The following THTPA variants were observed in gnomAD, a reference collection of about 807,000 sequenced individuals.
THTPA encodes the protein thiamine triphosphatase, also known as thiamine-triphosphatase.
In THTPA, 16 loss-of-function variants were observed where a neutral mutation model predicts 16.5. That is an observed-to-expected ratio of 0.97 (90% confidence interval 0.66 to 1.47). The LOEUF (loss-of-function observed/expected upper bound fraction) is 1.47, where lower values mean the gene tolerates loss of function less well. Ranked by LOEUF, THTPA falls within the 40% of genes most tolerant of loss-of-function variation. THTPA has a pLI of 0.00. For synonymous variants in THTPA, 110 were observed against 115.5 expected (o/e 0.95, Z 0.30); for missense variants, 281 against 280.9 (o/e 1.00, Z 0.00).
the THTPA span, among the ~76,000 whole-genome samples, chr14:23,550,015 A>C: frequency 6.6e-6 from 1 of 152,242 alleles, no homozygotes; most frequent in African/African-American, 2.4e-5. Context: ...GGGTGAAGCA[A>C]AATGGGGAAA....
At chr14:23,540,747 C>T in the THTPA span, among the ~76,000 whole-genome samples, 1 of 152,166 alleles carries the variant, frequency 6.6e-6, no homozygotes, top group African/African-American at 2.4e-5. Flanking sequence ...TTTCCTTACT[C>T]AGTTGTGAAG....
the THTPA span, among the ~76,000 whole-genome samples, chr14:23,545,775 A>C: frequency 5.3e-5 from 8 of 152,348 alleles, no homozygotes; most frequent in East Asian, 1.5e-3. Flanking sequence ...CAAGAGAAGC[A>C]GCAAAATCTA....
At chr14:23,525,457 G>C in the THTPA span, 5 of 1,536,158 alleles carry the variant, frequency 3.3e-6, no homozygotes, top group East Asian at 9.8e-5. The surrounding 1 kb of genome is among the most constrained non-coding windows in gnomAD (Gnocchi z 5.9). Flanking sequence ...CGTGTGTCTT[G>C]AGGATAAGCA....
chr14:23,516,038 G>A, the THTPA span, among the ~76,000 whole-genome samples: 1 of 152,116 alleles, frequency 6.6e-6, no homozygotes, highest in Admixed American at 6.6e-5. Flanking sequence ...TAGCCCCTGG[G>A]GTAGCAGGGT....
At chr14:23,548,442 G>C in the THTPA span, 3 of 152,216 alleles carry the variant, frequency 2.0e-5, no homozygotes, top group Non-Finnish European at 4.4e-5. Context: ...AAAGCAGCAA[G>C]TGATTCCTGT....
the THTPA span, among the ~76,000 whole-genome samples, chr14:23,536,439 C>G: frequency 6.6e-6 from 1 of 152,206 alleles, no homozygotes; most frequent in Non-Finnish European, 1.5e-5. Context: ...AGATCCATCT[C>G]TGGTCACAGC....
the THTPA span, chr14:23,526,230 G>T: frequency 6.5e-7 from 1 of 1,536,244 alleles, no homozygotes; most frequent in Non-Finnish European, 8.7e-7. Flanking sequence ...GTGGTGGTGG[G>T]TGGGGCACCG....
At chr14:23,524,436 C>T in the THTPA span, 1 of 1,536,060 alleles carries the variant, frequency 6.5e-7, no homozygotes, top group Non-Finnish European at 8.7e-7. The surrounding 1 kb of genome is among the most constrained non-coding windows in gnomAD (Gnocchi z 5.6). Flanking sequence ...AAGCTGCCGT[C>T]CTCATGCTTC....
At chr14:23,534,113 G>C in the THTPA span, 3 of 1,487,158 alleles carry the variant, frequency 2.0e-6, no homozygotes, top group Middle Eastern at 1.7e-4. This position sits in a 1 kb window ranked among gnomAD's most constrained non-coding sequence, Gnocchi z 4.5. Context: ...GAGCCCACTG[G>C]GGCAGGGAGA....
the THTPA span, chr14:23,526,074 G>T: frequency 6.5e-7 from 1 of 1,536,524 alleles, no homozygotes; most frequent in Non-Finnish European, 8.7e-7. Flanking sequence ...TCTTGGCTGC[G>T]TTCTGGCCCT....
At chr14:23,539,624 G>A in the THTPA span, among the ~76,000 whole-genome samples, 2 of 152,170 alleles carry the variant, frequency 1.3e-5, no homozygotes, top group Admixed American at 6.5e-5. Context: ...TCTGCCCCTC[G>A]CTGAAGAGGA....
chr14:23,552,346 T>A (rs1882036735), upstream of THTPA, among the ~76,000 whole-genome samples: 1 of 149,430 alleles, frequency 6.7e-6, no homozygotes, highest in South Asian at 2.1e-4. Flanking sequence ...CAGGTTGGAG[T>A]GCAGTGGTGC....
chr14:23,537,277 C>T, the THTPA span, among the ~76,000 whole-genome samples: 12 of 151,916 alleles, frequency 7.9e-5, no homozygotes, highest in African/African-American at 2.9e-4. Context: ...CTCACCAATT[C>T]CCATGCCTCT....
At chr14:23,533,450 TGGG>T in the THTPA span, 20 of 1,532,970 alleles carry the variant, frequency 1.3e-5, no homozygotes, top group South Asian at 2.4e-4. This position sits in a 1 kb window ranked among gnomAD's most constrained non-coding sequence, Gnocchi z 4.8. Flanking sequence ...GGGGGGCTAG[TGGG>T]GGTAGCCCCT....
chr14:23,537,499 C>T, the THTPA span, among the ~76,000 whole-genome samples: 3 of 152,148 alleles, frequency 2.0e-5, no homozygotes, highest in Non-Finnish European at 4.4e-5. Context: ...TGGCCCCACC[C>T]AACCTGAAGG....
the THTPA span, chr14:23,523,227 C>A: frequency 7.0e-7 from 1 of 1,430,790 alleles, no homozygotes; most frequent in Non-Finnish European, 9.1e-7. This position sits in a 1 kb window ranked among gnomAD's most constrained non-coding sequence, Gnocchi z 4.1. Flanking sequence ...GCTAAGTTGC[C>A]CAGCGGGGGC....
intron 1 of THTPA, 38 bp downstream of exon 1, chr14:23,557,342 C>A (rs1566603419): frequency 1.3e-6 from 2 of 1,519,500 alleles, no homozygotes; most frequent in South Asian, 2.6e-5. Flanking sequence ...TTCCTGCTCC[C>A]CACTTTTCTC....
the THTPA span, chr14:23,525,863 T>A: frequency 3.5e-5 from 51 of 1,451,900 alleles, no homozygotes; most frequent in Non-Finnish European, 4.4e-5. This position sits in a 1 kb window ranked among gnomAD's most constrained non-coding sequence, Gnocchi z 5.9. Context: ...CAGCTGCTGC[T>A]GCTGGAGCTT....
upstream of THTPA, among the ~76,000 whole-genome samples, chr14:23,551,887 C>T (rs921461590): frequency 1.3e-5 from 2 of 152,164 alleles, no homozygotes; most frequent in African/African-American, 2.4e-5. This position sits in a 1 kb window ranked among gnomAD's most constrained non-coding sequence, Gnocchi z 5.3. Flanking sequence ...GACCCAGGGC[C>T]GGGGGCAGGC....
Sources: allele counts gnomAD v4.1 joint callset (sites outside exome capture counted in the v4.1 genomes callset), GRCh38; gene constraint gnomAD v4.1.1; non-coding constraint Gnocchi (gnomAD v3.1); transcripts MANE v1.5; gene names NCBI Gene and HGNC (gene_info 2026-07-23, HGNC 2026-07-21).